Variants in MET observed in about 807,000 individuals in gnomAD.
MET encodes hepatocyte growth factor receptor.
In MET, 48 loss-of-function variants were observed where a neutral mutation model predicts 133.1. The observed-to-expected ratio is 0.36, with a 90% CI of 0.29 to 0.46. The LOEUF is 0.46. Ranked by LOEUF, MET falls within the 20% of genes least tolerant of loss-of-function variation. The pLI is 1.00. For synonymous variants in MET, 628 were observed against 616.5 expected, an observed-to-expected ratio of 1.02 and a Z score of -0.28; for missense variants, 1,442 against 1,695.9, an observed-to-expected ratio of 0.85 and a Z score of 2.63.
chr7:116,679,839 G>A (rs1228006009), intron 1 of MET, among the ~76,000 whole-genome samples: 1 of 152,184 alleles, frequency 6.6e-6, no homozygotes, highest in Non-Finnish European at 1.5e-5. Flanking sequence ...ATTTGACATA[G>A]CTTTAAGTGC....
chr7:116,779,771 T>A (rs908618872), intron 17 of MET, among the ~76,000 whole-genome samples: 1 of 152,218 alleles, frequency 6.6e-6, no homozygotes, highest in African/African-American at 2.4e-5. Flanking sequence ...TTATATTGAT[T>A]ACATGCTGAA....
rs57132241 is a variant in MET, at chr7:116,713,311, C to T, written c.1200+13027C>T. Among the ~76,000 whole-genome samples, 9 of 150,626 alleles carry T rather than the reference C, an allele frequency of 6.0e-5. No homozygotes were observed. In the East Asian group the frequency reaches 1.8e-3, roughly 30 times the overall value. On this transcript the variant is annotated intron_variant, in intron 2 of 20. Coordinates refer to ENST00000397752, the MANE Select transcript of MET (RefSeq NM_000245.4). ...TTGGGAGGCTGAGGCAGGAGAATGG[C>T]GTGAACCCGGGAGGCGGAGCTTGCA...
At chr7:116,780,210 G>C (rs963809486) in intron 17 of MET, among the ~76,000 whole-genome samples, 6 of 152,090 alleles carry the variant, frequency 3.9e-5, no homozygotes, top group Non-Finnish European at 7.4e-5. Flanking sequence ...GCCAGGACCA[G>C]GGAGGGTGGG....
intron 18 of MET, 55 bp downstream of exon 18, chr7:116,782,152 G>A (rs1795176970): frequency 8.4e-7 from 1 of 1,191,210 alleles, no homozygotes; most frequent in Non-Finnish European, 1.2e-6. Flanking sequence ...GGAGGAATCT[G>A]TTTCCCACTG....
intron 19 of MET, among the ~76,000 whole-genome samples, chr7:116,795,069 A>G (rs13239139): frequency 0.18 from 27,427 of 152,168 alleles, 2,528 homozygotes; most frequent in East Asian, 0.29. Flanking sequence ...GTACTTTCAC[A>G]TCTTCATGTG....
At chr7:116,696,996 C>T (rs1168929642) in intron 1 of MET, among the ~76,000 whole-genome samples, 1 of 152,160 alleles carries the variant, frequency 6.6e-6, no homozygotes, top group Non-Finnish European at 1.5e-5. Flanking sequence ...TTCACTTGTT[C>T]CAGGCACCTG....
intron 1 of MET, among the ~76,000 whole-genome samples, chr7:116,691,996 TG>T (rs1365852417): frequency 1.3e-5 from 2 of 152,166 alleles, no homozygotes; most frequent in Non-Finnish European, 2.9e-5. Context: ...CAGTGGATTC[TG>T]GGAAGGTAAA....
intron 2 of MET, among the ~76,000 whole-genome samples, chr7:116,726,166 T>TATATATATATATATAC (rs1562900093): frequency 4.2e-5 from 5 of 117,934 alleles, no homozygotes; most frequent in Non-Finnish European, 7.2e-5. Context: ...TATATATATA[T>TATATATATATATATAC]ATATATATAT....
At chr7:116,764,727 T>C (rs1331788631) in intron 11 of MET, among the ~76,000 whole-genome samples, 1 of 152,190 alleles carries the variant, frequency 6.6e-6, no homozygotes, top group Non-Finnish European at 1.5e-5. Flanking sequence ...ATTCCCAACA[T>C]GGCGAAAGGG....
chr7:116,737,880 A>C (rs1343323331), intron 3 of MET, among the ~76,000 whole-genome samples: 2 of 152,218 alleles, frequency 1.3e-5, no homozygotes, highest in Non-Finnish European at 2.9e-5. Flanking sequence ...AGTAATTAAG[A>C]AGGGATTGCT....
chr7:116,767,992 G>C lies in MET; in HGVS notation c.2584-1653G>C, dbSNP rs1157318663. ...TATATATATGTGTGTGTGTGTGTGT[G>C]TGTGTGTGTGTGTGTATACATATGT... is the stretch of plus-strand genomic sequence containing the variant. On this transcript the variant is annotated intron_variant, in intron 11 of 20. Transcript: ENST00000397752. Among the ~76,000 whole-genome samples the C allele has an allele frequency of 3.3e-5, 5 of 150,586 alleles. No individual in the cohort carries two copies. The East Asian group carries it at 9.7e-4, about 29-fold the overall frequency.
chr7:116,787,642 T>C (rs532136202), intron 19 of MET, among the ~76,000 whole-genome samples: 1 of 151,704 alleles, frequency 6.6e-6, no homozygotes, highest in Admixed American at 6.5e-5. Context: ...TAGAGCCTCA[T>C]GACCTAATTA....
Position 116,688,945 on chromosome 7 carries a change from G to A in MET, c.-14-10126G>A, listed in dbSNP as rs570404894. The stretch of plus-strand genomic sequence containing the variant: ...TGTGTAATAATCAAGAAACCGTTTA[G>A]AGCACCCCCTGGAAACATTAATTAT... On this transcript the variant is annotated intron_variant, in intron 1 of 20. Coordinates refer to ENST00000397752, the MANE Select transcript of MET (RefSeq NM_000245.4). Among the ~76,000 whole-genome samples, 64 of 152,284 alleles carry A rather than the reference G, an allele frequency of 4.2e-4. No individual in the cohort carries two copies. The South Asian group carries it at 8.5e-3, about 20-fold the overall frequency.
At chr7:116,779,833 T>C (rs1020508714) in intron 17 of MET, among the ~76,000 whole-genome samples, 6 of 152,258 alleles carry the variant, frequency 3.9e-5, no homozygotes, top group African/African-American at 1.2e-4. Context: ...TAATTTCACC[T>C]GTTTCTTTTT....
Position 116,720,702 on chromosome 7 carries a change from T to C in MET, c.1201-10966T>C, listed in dbSNP as rs1485666145. On this transcript the variant is annotated intron_variant, in intron 2 of 20. Coordinates refer to ENST00000397752, the MANE Select transcript of MET (RefSeq NM_000245.4). ...TGAGAGTTTTTAACATGAAGGGTTG[T>C]TGAATTTTGTCAAAGGCTTTTTCTG... Among the ~76,000 whole-genome samples the C allele has an allele frequency of 4.6e-3, 651 of 140,652 alleles. 2 individuals carry two copies. The highest frequency in any genetic ancestry group is 7.1e-3 in the Non-Finnish European group (466 of 65,400). 92.3% of individuals were successfully genotyped at this position (140,652 alleles called of 152,430 possible).
At chr7:116,719,586 AT>A (rs1196884309) in intron 2 of MET, among the ~76,000 whole-genome samples, 1 of 152,158 alleles carries the variant, frequency 6.6e-6, no homozygotes, top group Non-Finnish European at 1.5e-5. Context: ...CTGAATGGTA[AT>A]ACCTAGGTTT....
At chr7:116,759,264 C>T in intron 9 of MET, 127 bp from the exon 10 acceptor site, 1 of 1,401,528 alleles carries the variant, frequency 7.1e-7, no homozygotes, top group Admixed American at 2.3e-5. Flanking sequence ...TACCCATGAA[C>T]TTCCATTTGA....
chr7:116,782,942 C>A (rs1018562270), intron 18 of MET, among the ~76,000 whole-genome samples: 6 of 152,178 alleles, frequency 3.9e-5, no homozygotes, highest in Non-Finnish European at 7.3e-5. Context: ...AATCAGTTGA[C>A]AAGCGAAGAT....
chr7:116,727,037 A>G (rs1378996595), intron 2 of MET, among the ~76,000 whole-genome samples: 1 of 152,208 alleles, frequency 6.6e-6, no homozygotes, highest in Admixed American at 6.5e-5. Flanking sequence ...AGTTACCTAA[A>G]TGCAAGCATG....
Sources: allele counts gnomAD v4.1 joint callset (sites outside exome capture counted in the v4.1 genomes callset), GRCh38; gene constraint gnomAD v4.1.1; transcripts MANE v1.5; gene names NCBI Gene and HGNC (gene_info 2026-07-23, HGNC 2026-07-21).